FBXL7: variants seen among roughly 807,000 people sequenced by gnomAD.
The protein encoded by FBXL7 is F-box/LRR-repeat protein 7.
Under a neutral mutation model 38.3 loss-of-function variants are expected in FBXL7, and 12 were observed. The ratio of observed to expected loss-of-function variants is 0.31; its 90% CI spans 0.20 to 0.51. FBXL7 has a LOEUF of 0.51. Among genes scored for constraint, FBXL7 ranks in the 20% least tolerant of loss-of-function variants. The pLI is 0.98. For synonymous variants in FBXL7, 297 were observed against 300.9 expected, an observed-to-expected ratio of 0.99 and a Z score of 0.13; for missense variants, 567 against 676.4, an observed-to-expected ratio of 0.84 and a Z score of 1.79.
chr5:15,617,073 A>G (rs941284594), intron 2 of FBXL7, among the ~76,000 whole-genome samples: 4 of 152,206 alleles, frequency 2.6e-5, no homozygotes, highest in Admixed American at 2.0e-4. Context: ...CTCTATCTGC[A>G]TTATAATTTA....
chr5:15,799,925 G>A (rs901012443), intron 2 of FBXL7, among the ~76,000 whole-genome samples: 3 of 98,646 alleles, frequency 3.0e-5, no homozygotes, highest in Admixed American at 1.7e-4. Context: ...CTGTCATAAA[G>A]TGTTTTTTTT....
chr5:15,819,678 C>A (rs1001463013), intron 2 of FBXL7, among the ~76,000 whole-genome samples: 6 of 152,162 alleles, frequency 3.9e-5, no homozygotes, highest in African/African-American at 7.2e-5. Context: ...GCCACAAAAG[C>A]ATGGAGTGCG....
intron 2 of FBXL7, among the ~76,000 whole-genome samples, chr5:15,860,928 T>C (rs1350858966): frequency 6.6e-6 from 1 of 152,216 alleles, no homozygotes; most frequent in African/African-American, 2.4e-5. Context: ...TTAGCAGTTA[T>C]GGTGGAACCG....
chr5:15,523,617 G>T (rs1405123821), intron 1 of FBXL7, among the ~76,000 whole-genome samples: 1 of 152,056 alleles, frequency 6.6e-6, no homozygotes, highest in African/African-American at 2.4e-5. Flanking sequence ...TTCACGTGGG[G>T]CTCCTCTTTG....
At chr5:15,587,814 AAAG>A (rs1415493189) in intron 1 of FBXL7, among the ~76,000 whole-genome samples, 2 of 152,270 alleles carry the variant, frequency 1.3e-5, no homozygotes, top group African/African-American at 4.8e-5. Context: ...AAAGATTAAA[AAAG>A]AAAATCTTAA....
intron 2 of FBXL7, among the ~76,000 whole-genome samples, chr5:15,851,504 A>G: frequency 6.6e-6 from 1 of 152,146 alleles, no homozygotes; most frequent in South Asian, 2.1e-4. Flanking sequence ...GGTCACTCTA[A>G]TAGTTTGAAA....
intron 2 of FBXL7, among the ~76,000 whole-genome samples, chr5:15,848,586 T>C (rs760147920): frequency 1.3e-5 from 2 of 152,184 alleles, no homozygotes; most frequent in Non-Finnish European, 2.9e-5. Context: ...TTCACCACGT[T>C]AGCCAGGCTA....
At chr5:15,721,434 C>T (rs1372266180) in intron 2 of FBXL7, among the ~76,000 whole-genome samples, 1 of 152,102 alleles carries the variant, frequency 6.6e-6, no homozygotes, top group Non-Finnish European at 1.5e-5. Flanking sequence ...TCATAGCAAA[C>T]AAGGTTTCAA....
chr5:15,555,289 T>A (rs901172975), intron 1 of FBXL7, among the ~76,000 whole-genome samples: 2 of 152,140 alleles, frequency 1.3e-5, no homozygotes. Flanking sequence ...AGGCCTCTCA[T>A]GTTTCTTAGA....
At chr5:15,666,651 T>C (rs140316760) in intron 2 of FBXL7, among the ~76,000 whole-genome samples, 12 of 152,322 alleles carry the variant, frequency 7.9e-5, no homozygotes, top group South Asian at 4.1e-4. Context: ...TTTCAGTGAT[T>C]TTAGGTAAAC....
At chr5:15,697,668 C>T (rs1263062603) in intron 2 of FBXL7, among the ~76,000 whole-genome samples, 1 of 152,016 alleles carries the variant, frequency 6.6e-6, no homozygotes, top group African/African-American at 2.4e-5. Flanking sequence ...ACTTTCTGCA[C>T]ACACAAGGCT....
intron 2 of FBXL7, among the ~76,000 whole-genome samples, chr5:15,693,695 C>A (rs1377901261): frequency 6.6e-6 from 1 of 152,172 alleles, no homozygotes; most frequent in African/African-American, 2.4e-5. Flanking sequence ...GAGGAACACA[C>A]TGGCAGAAGA....
intron 2 of FBXL7, among the ~76,000 whole-genome samples, chr5:15,852,681 CT>C (rs1233694831): frequency 6.6e-6 from 1 of 150,912 alleles, no homozygotes; most frequent in African/African-American, 2.5e-5. Flanking sequence ...ATAGTTTCCC[CT>C]GGAAAAAAAA....
intron 2 of FBXL7, among the ~76,000 whole-genome samples, chr5:15,697,320 A>G (rs569746143): frequency 2.9e-4 from 44 of 152,308 alleles, no homozygotes; most frequent in African/African-American, 1.1e-3. Flanking sequence ...CACAAAATTT[A>G]TAATCAAGAG....
intron 2 of FBXL7, among the ~76,000 whole-genome samples, chr5:15,616,407 G>A (rs1740454906): frequency 6.6e-6 from 1 of 152,134 alleles, no homozygotes; most frequent in African/African-American, 2.4e-5. Context: ...AAATCCTTGT[G>A]CTGTAGTTGA....
chr5:15,703,450 A>G (rs190779127), intron 2 of FBXL7, among the ~76,000 whole-genome samples: 1 of 152,228 alleles, frequency 6.6e-6, no homozygotes, highest in Admixed American at 6.5e-5. Flanking sequence ...ATACTGACAT[A>G]AAATTAAGAT....
At chr5:15,876,412 A>C (rs966670055) in intron 2 of FBXL7, among the ~76,000 whole-genome samples, 1 of 152,092 alleles carries the variant, frequency 6.6e-6, no homozygotes, top group Non-Finnish European at 1.5e-5. Context: ...TAAAAAAAAA[A>C]GGTGTTCCCA....
At chr5:15,720,745 T>C (rs907478160) in intron 2 of FBXL7, among the ~76,000 whole-genome samples, 1 of 128,456 alleles carries the variant, frequency 7.8e-6, no homozygotes, top group Non-Finnish European at 1.8e-5. Context: ...TTAGACTGTT[T>C]CCTTTCAAAC....
intron 1 of FBXL7, among the ~76,000 whole-genome samples, chr5:15,559,354 G>A (rs1226460533): frequency 6.6e-6 from 1 of 152,162 alleles, no homozygotes; most frequent in Admixed American, 6.5e-5. Context: ...AAATAATAAT[G>A]TGATAGAATC....
Sources: gnomAD v4.1 joint callset for allele counts (sites outside exome capture counted in the v4.1 genomes callset) on GRCh38, gnomAD v4.1.1 for gene constraint, MANE v1.5 for transcripts, NCBI Gene and HGNC (gene_info 2026-07-23, HGNC 2026-07-21) for gene names.